CPNE2: variants seen among roughly 807,000 people sequenced by gnomAD.
CPNE2 encodes copine 2.
In CPNE2, 42 loss-of-function variants were observed where a neutral mutation model predicts 69.7. The observed-to-expected ratio is 0.60, with a 90% CI of 0.47 to 0.78. CPNE2 has a LOEUF of 0.78. Ranked by LOEUF, CPNE2 falls within the 30% of genes least tolerant of loss-of-function variation. The pLI is 0.00. For synonymous variants in CPNE2, 294 were observed against 289.8 expected (o/e 1.01, Z -0.15); for missense variants, 587 against 732.0 (o/e 0.80, Z 2.29).
At chr16:57,124,410 T>C (rs2145262765) in intron 10 of CPNE2, 1 of 456,566 alleles carries the variant, frequency 2.2e-6, no homozygotes, top group Non-Finnish European at 4.4e-6. Flanking sequence ...TCTGGGCACT[T>C]GCCGCCCCGA....
At chr16:57,103,456 G>T (rs2069628272) in intron 1 of CPNE2, among the ~76,000 whole-genome samples, 1 of 152,146 alleles carries the variant, frequency 6.6e-6, no homozygotes, top group African/African-American at 2.4e-5. Flanking sequence ...CAAGTTGCAT[G>T]TGCTTTTCTG....
chr16:57,122,841 C>T (rs986935663), intron 9 of CPNE2, among the ~76,000 whole-genome samples: 1 of 151,942 alleles, frequency 6.6e-6, no homozygotes, highest in East Asian at 1.9e-4. Flanking sequence ...GATTTGCCTG[C>T]CTTGGCCTCC....
intron 1 of CPNE2, among the ~76,000 whole-genome samples, chr16:57,098,089 T>C (rs1160526461): frequency 2.1e-5 from 1 of 47,544 alleles, no homozygotes; most frequent in African/African-American, 8.3e-5. Flanking sequence ...CCTGGGAGGG[T>C]GGGGGTGGGG....
At chr16:57,117,971 C>T (rs1320828611) in intron 5 of CPNE2, among the ~76,000 whole-genome samples, 1 of 152,090 alleles carries the variant, frequency 6.6e-6, no homozygotes, top group African/African-American at 2.4e-5. Flanking sequence ...TCTCCTCCCT[C>T]AGGAGCTTTG....
At chr16:57,099,120 G>A (rs1238585247) in intron 1 of CPNE2, among the ~76,000 whole-genome samples, 11 of 152,092 alleles carry the variant, frequency 7.2e-5, no homozygotes, top group East Asian at 3.9e-4. Flanking sequence ...AGTAACACCC[G>A]TCCACGTGTC....
At chr16:57,099,036 A>T (rs966459031) in intron 1 of CPNE2, among the ~76,000 whole-genome samples, 1 of 152,228 alleles carries the variant, frequency 6.6e-6, no homozygotes, top group Non-Finnish European at 1.5e-5. Flanking sequence ...ACAAACCAAC[A>T]TATCTGGGTC....
chr16:57,093,591 T>A (rs1304165239), intron 1 of CPNE2, among the ~76,000 whole-genome samples: 6 of 152,122 alleles, frequency 3.9e-5, no homozygotes, highest in Non-Finnish European at 5.9e-5. Context: ...GGGCTGTGAT[T>A]TGCCCAAGGT....
At chr16:57,135,646 G>A (rs147491237) in intron 13 of CPNE2, among the ~76,000 whole-genome samples, 316 of 151,496 alleles carry the variant, frequency 2.1e-3, no homozygotes, top group African/African-American at 7.4e-3. Context: ...GAAGGCCAAG[G>A]TGGGTAGATC....
At chr16:57,117,384 C>T in intron 4 of CPNE2, 112 bp from the exon 5 acceptor site, 1 of 1,034,212 alleles carries the variant, frequency 9.7e-7, no homozygotes, top group Non-Finnish European at 1.4e-6. Flanking sequence ...CTGGAACTGC[C>T]CTTCCCTTCC....
chr16:57,120,286 A>AG lies in CPNE2; in HGVS notation c.681+637dup, dbSNP rs1555546559. 4.6e-4 allele frequency among the ~76,000 whole-genome samples: 67 copies of AG among 146,756 alleles called. 1 individual carries two copies. The East Asian group carries it at 7.5e-3, about 16-fold the overall frequency. ...ATTCTGTCTCAAAAAAAAAAAAAAA[A>AG]GTTATAGGCCGGGCGCGGTGGCTCA... On this transcript the variant is annotated intron_variant, in intron 7 of 15. Transcript: ENST00000290776.
At chr16:57,145,884 G>A (rs1247675988) in intron 14 of CPNE2, 18 of 597,808 alleles carry the variant, frequency 3.0e-5, no homozygotes, top group African/African-American at 5.6e-5. Context: ...CTGTGACCAG[G>A]TCAGAGTTTA....
At chr16:57,109,187 A>G (rs922857500) in intron 1 of CPNE2, among the ~76,000 whole-genome samples, 1 of 152,146 alleles carries the variant, frequency 6.6e-6, no homozygotes, top group Admixed American at 6.6e-5. Flanking sequence ...AAGAAAGTAA[A>G]GGAATAGCCA....
intron 1 of CPNE2, among the ~76,000 whole-genome samples, chr16:57,094,967 C>A (rs536243564): frequency 1.3e-5 from 2 of 152,186 alleles, no homozygotes; most frequent in Non-Finnish European, 2.9e-5. Context: ...TCGCCAGGCA[C>A]GGTCCCGATC....
intron 6 of CPNE2, 42 bp downstream of exon 6, chr16:57,119,320 G>T: frequency 6.3e-7 from 1 of 1,584,250 alleles, no homozygotes; most frequent in Non-Finnish European, 8.7e-7. Context: ...CAGTGGGCCT[G>T]CAGTCCAGCC....
At chr16:57,125,600 T>A (rs2069794841) in intron 10 of CPNE2, 1 of 517,394 alleles carries the variant, frequency 1.9e-6, no homozygotes, top group Non-Finnish European at 3.5e-6. Context: ...GAAAAAGGAA[T>A]CTGGGACTGT....
At chr16:57,100,007 TTG>T (rs2069603597) in intron 1 of CPNE2, among the ~76,000 whole-genome samples, 1 of 152,152 alleles carries the variant, frequency 6.6e-6, no homozygotes, top group Non-Finnish European at 1.5e-5. Flanking sequence ...TCTCTTGACC[TTG>T]TGATCCACCT....
chr16:57,128,051 C>G (rs2069812873), intron 12 of CPNE2, 148 bp downstream of exon 12: 1 of 785,958 alleles, frequency 1.3e-6, no homozygotes, highest in African/African-American at 1.7e-5. Flanking sequence ...ATTTCTCAAG[C>G]CTGATCCTTG....
intron 13 of CPNE2, 128 bp from the exon 14 acceptor site, chr16:57,137,021 C>A: frequency 7.4e-7 from 1 of 1,357,136 alleles, no homozygotes; most frequent in Non-Finnish European, 9.9e-7. Flanking sequence ...GTCTGTCTCA[C>A]AAGGCCTATG....
chr16:57,125,329 G>A (rs776669598), intron 10 of CPNE2: 62 of 456,084 alleles, frequency 1.4e-4, no homozygotes, highest in South Asian at 8.2e-4. Flanking sequence ...CCAGCTGATC[G>A]GGGAGACGGG....
Sources: gnomAD v4.1 joint callset for allele counts (sites outside exome capture counted in the v4.1 genomes callset) on GRCh38, gnomAD v4.1.1 for gene constraint, MANE v1.5 for transcripts, NCBI Gene and HGNC (gene_info 2026-07-23, HGNC 2026-07-21) for gene names.